Variants in MARCHF11 observed in about 807,000 individuals in gnomAD.
MARCHF11 encodes membrane associated ring-CH-type finger 11, also known as E3 ubiquitin-protein ligase MARCHF11.
Under a neutral mutation model 37.3 loss-of-function variants are expected in MARCHF11, and 29 were observed. The observed-to-expected ratio is 0.78, with a 90% CI of 0.58 to 1.06. The LOEUF (loss-of-function observed/expected upper bound fraction) is 1.06, where lower values mean the gene tolerates loss of function less well. MARCHF11 is among the 50% of genes least tolerant of loss of function. MARCHF11 has a pLI of 0.00. For synonymous variants in MARCHF11, 233 were observed against 228.0 expected, an observed-to-expected ratio of 1.02 and a Z score of -0.20; for missense variants, 482 against 533.4, an observed-to-expected ratio of 0.90 and a Z score of 0.95.
intron 2 of MARCHF11, among the ~76,000 whole-genome samples, chr5:16,151,303 C>G (rs994524917): frequency 6.6e-6 from 1 of 151,994 alleles, no homozygotes; most frequent in Non-Finnish European, 1.5e-5. Flanking sequence ...TCCAATATTT[C>G]TCTATCACAA....
chr5:16,079,295 G>A (rs925370976), intron 3 of MARCHF11, among the ~76,000 whole-genome samples: 1 of 152,026 alleles, frequency 6.6e-6, no homozygotes. Context: ...TAATCTCAAT[G>A]CACCCACTTC....
intron 2 of MARCHF11, among the ~76,000 whole-genome samples, chr5:16,156,512 A>C (rs1248498060): frequency 6.6e-6 from 1 of 151,946 alleles, no homozygotes; most frequent in Non-Finnish European, 1.5e-5. Context: ...TTCAATGAAT[A>C]TATTTTAGTA....
chr5:16,115,259 G>A (rs75481563), intron 2 of MARCHF11, among the ~76,000 whole-genome samples: 3,820 of 152,222 alleles, frequency 0.025, 180 homozygotes, highest in African/African-American at 0.087. Flanking sequence ...TCCTTAATTC[G>A]TCAATTTCCT....
chr5:16,172,035 C>A (rs1445844962), intron 2 of MARCHF11, among the ~76,000 whole-genome samples: 2 of 152,130 alleles, frequency 1.3e-5, no homozygotes, highest in Admixed American at 6.5e-5. Context: ...TGTCCCCAAG[C>A]CTCGTTCTAA....
intron 3 of MARCHF11, among the ~76,000 whole-genome samples, chr5:16,075,099 AG>A (rs1736495516): frequency 6.6e-6 from 1 of 152,310 alleles, no homozygotes; most frequent in African/African-American, 2.4e-5. Context: ...CTTTTCTGAA[AG>A]GTTCTGACAC....
intron 2 of MARCHF11, among the ~76,000 whole-genome samples, chr5:16,124,015 C>A (rs972991603): frequency 6.6e-6 from 1 of 152,064 alleles, no homozygotes; most frequent in African/African-American, 2.4e-5. Flanking sequence ...TGCAACATAT[C>A]AGGTTTTGTA....
chr5:16,070,527 G>A (rs1029196866), intron 3 of MARCHF11, among the ~76,000 whole-genome samples: 8 of 152,228 alleles, frequency 5.3e-5, no homozygotes, highest in Non-Finnish European at 1.0e-4. Context: ...AGCTTCACCA[G>A]AGGAAACTAC....
intron 2 of MARCHF11, among the ~76,000 whole-genome samples, chr5:16,161,479 C>T (rs562198317): frequency 1.1e-3 from 161 of 151,904 alleles, no homozygotes; most frequent in African/African-American, 3.7e-3. Context: ...ATTTGGGAAA[C>T]GGATTATTCC....
At chr5:16,151,948 C>CTTA (rs2126598539) in intron 2 of MARCHF11, among the ~76,000 whole-genome samples, 1 of 151,940 alleles carries the variant, frequency 6.6e-6, no homozygotes, top group South Asian at 2.1e-4. Flanking sequence ...GGAAAAAGAA[C>CTTA]TTATACCCAT....
At chr5:16,174,178 G>A (rs763778343) in intron 2 of MARCHF11, among the ~76,000 whole-genome samples, 1 of 152,052 alleles carries the variant, frequency 6.6e-6, no homozygotes, top group Admixed American at 6.6e-5. Flanking sequence ...ATATGTCCAC[G>A]CATTTCACTA....
intron 2 of MARCHF11, among the ~76,000 whole-genome samples, chr5:16,159,429 T>C (rs1738036164): frequency 6.6e-6 from 1 of 151,918 alleles, no homozygotes. Flanking sequence ...CAAACCAAGT[T>C]CTTTATAGCT....
intron 2 of MARCHF11, among the ~76,000 whole-genome samples, chr5:16,095,355 C>T (rs569289316): frequency 5.7e-4 from 86 of 151,926 alleles, no homozygotes; most frequent in African/African-American, 1.9e-3. Flanking sequence ...TAAGCTTCAG[C>T]GAGGAGGGCT....
intron 2 of MARCHF11, among the ~76,000 whole-genome samples, chr5:16,132,622 G>A (rs1406024817): frequency 1.3e-5 from 2 of 152,138 alleles, no homozygotes; most frequent in African/African-American, 4.8e-5. Flanking sequence ...CAAAGTGCTG[G>A]GGGAACAAAA....
In MARCHF11 at chr5:16,179,758, C is replaced by A. The variant is rs988871918; in HGVS notation, c.-183G>T. Reference sequence around the variant, plus strand: ...GTTCTGCAGCTGCGGCGGCGGCAGGCGCGGCCGTTCGGTGGAGCCGCCGGC... The same window carrying A: ...GTTCTGCAGCTGCGGCGGCGGCAGGAGCGGCCGTTCGGTGGAGCCGCCGGC... On this transcript the variant is annotated 5_prime_UTR_variant, in exon 1 of 4. Coordinates refer to ENST00000332432, the MANE Select transcript of MARCHF11 (RefSeq NM_001102562.3). The A allele has an allele frequency of 2.2e-4, 60 of 278,950 alleles. No homozygotes were observed. The highest frequency in any genetic ancestry group is 1.4e-3 in the African/African-American group (58 of 42,684). The allele number at this position is 278,950 out of a possible 1,614,324, so 17.3% of individuals were successfully genotyped here.
intron 2 of MARCHF11, among the ~76,000 whole-genome samples, chr5:16,112,986 C>G (rs138438092): frequency 5.3e-5 from 8 of 152,160 alleles, no homozygotes; most frequent in Non-Finnish European, 8.8e-5. Flanking sequence ...TCTTTTTCGT[C>G]GTAAATTACC....
Position 16,085,091 on chromosome 5 carries a change from T to C in MARCHF11, c.886+5798A>G, listed in dbSNP as rs985365627. On this transcript the variant is annotated intron_variant, in intron 3 of 3. Coordinates refer to ENST00000332432, the MANE Select transcript of MARCHF11 (RefSeq NM_001102562.3). ...GAAGAACAGGCAATAACAGGATCAA[T>C]ACTTTAGCCACAGAGAGAGCTATTT... Among the ~76,000 whole-genome samples, 6 of 152,160 alleles carry C rather than the reference T, an allele frequency of 3.9e-5. No homozygotes were observed. In the South Asian group the frequency reaches 1.0e-3, roughly 26 times the overall value.
At chr5:16,114,973 T>C (rs1003131490) in intron 2 of MARCHF11, among the ~76,000 whole-genome samples, 1 of 152,198 alleles carries the variant, frequency 6.6e-6, no homozygotes, top group Non-Finnish European at 1.5e-5. Context: ...TTCTACTTGA[T>C]GGTATTTACT....
chr5:16,083,853 AAGG>A (rs1736651062), intron 3 of MARCHF11, among the ~76,000 whole-genome samples: 1 of 152,196 alleles, frequency 6.6e-6, no homozygotes, highest in Non-Finnish European at 1.5e-5. Flanking sequence ...AGCAAACTAC[AAGG>A]AGGACGACGA....
chr5:16,100,791 G>C (rs1736942846), intron 2 of MARCHF11, among the ~76,000 whole-genome samples: 1 of 152,196 alleles, frequency 6.6e-6, no homozygotes, highest in Non-Finnish European at 1.5e-5. Flanking sequence ...AAGGAATAAA[G>C]ATGCTTAGTG....
Sources: gnomAD v4.1 joint callset for allele counts (sites outside exome capture counted in the v4.1 genomes callset) on GRCh38, gnomAD v4.1.1 for gene constraint, MANE v1.5 for transcripts, NCBI Gene and HGNC (gene_info 2026-07-23, HGNC 2026-07-21) for gene names.